C12orf54: variants seen among roughly 807,000 people sequenced by gnomAD.
C12orf54 encodes uncharacterized protein C12orf54.
Under a neutral mutation model 26.4 loss-of-function variants are expected in C12orf54, and 24 were observed. That is an observed-to-expected ratio of 0.91 (90% CI 0.66 to 1.28). The LOEUF is 1.28. C12orf54 is among the 50% of genes most tolerant of loss of function. The pLI is 0.00. For synonymous variants in C12orf54, 54 were observed against 47.0 expected (o/e 1.15, Z -0.61); for missense variants, 154 against 150.9 (o/e 1.02, Z -0.11).
At chr12:48,485,011 A>G (rs777887710) in intron 2 of C12orf54, among the ~76,000 whole-genome samples, 3 of 152,204 alleles carry the variant, frequency 2.0e-5, no homozygotes, top group Non-Finnish European at 4.4e-5. Flanking sequence ...AATGCTATTA[A>G]TGTTCATCAG....
At chr12:48,421,310 CAG>C in the C12orf54 span, among the ~76,000 whole-genome samples, 7 of 149,628 alleles carry the variant, frequency 4.7e-5, no homozygotes, top group Non-Finnish European at 8.9e-5. Flanking sequence ...AGCAGTAGAA[CAG>C]AGAGCGCAGG....
At chr12:48,494,087 C>T (rs74493979) in intron 7 of C12orf54, among the ~76,000 whole-genome samples, 2 of 48,628 alleles carry the variant, frequency 4.1e-5, no homozygotes, top group African/African-American at 8.8e-5. Flanking sequence ...GGCGTGGTGG[C>T]AGGTGCCTGT....
chr12:48,444,780 A>G, the C12orf54 span, among the ~76,000 whole-genome samples: 457 of 152,320 alleles, frequency 3.0e-3, 2 homozygotes, highest in Middle Eastern at 0.031. Flanking sequence ...ATCTTTCCCA[A>G]AAAGGCCTGC....
the C12orf54 span, among the ~76,000 whole-genome samples, chr12:48,428,966 C>T: frequency 2.0e-5 from 3 of 152,144 alleles, no homozygotes; most frequent in Non-Finnish European, 4.4e-5. Flanking sequence ...AGATAATCCA[C>T]TATGATCAAG....
rs760143337 is a variant in C12orf54 at position 48,486,681 on chromosome 12, T to G, written c.97-7T>G. The G allele has an allele frequency of 1.4e-5, 23 of 1,611,602 alleles. 1 individual carries two copies. In the South Asian group the frequency reaches 2.5e-4, roughly 18 times the overall value. Reference sequence around the variant, plus strand: ...TTGTTTCCAACATTTGTTCCTTATTTCTACAGGAAAAACAGGTAACCATCA... The same window carrying G: ...TTGTTTCCAACATTTGTTCCTTATTGCTACAGGAAAAACAGGTAACCATCA... On this transcript the variant is annotated splice_region_variant and splice_polypyrimidine_tract_variant and intron_variant, in intron 3 of 8. Transcript: ENST00000548364.
the C12orf54 span, among the ~76,000 whole-genome samples, chr12:48,434,409 G>T: frequency 6.6e-6 from 1 of 152,206 alleles, no homozygotes; most frequent in Non-Finnish European, 1.5e-5. Context: ...GCTTTGAAGA[G>T]AGTAGTGGTT....
chr12:48,490,353 A>G (rs1937760872), intron 5 of C12orf54, among the ~76,000 whole-genome samples: 1 of 152,166 alleles, frequency 6.6e-6, no homozygotes, highest in African/African-American at 2.4e-5. Flanking sequence ...GCTTTTGGAA[A>G]TCTTGGGATT....
the C12orf54 span, among the ~76,000 whole-genome samples, chr12:48,445,522 C>T: frequency 3.3e-5 from 5 of 152,088 alleles, no homozygotes; most frequent in African/African-American, 1.2e-4. Flanking sequence ...TCACAAAGTG[C>T]CCAGAGTCTA....
At chr12:48,489,002 GC>G in intron 5 of C12orf54, 46 bp downstream of exon 5, 2 of 1,573,086 alleles carry the variant, frequency 1.3e-6, no homozygotes, top group Non-Finnish European at 1.7e-6. Context: ...CCCATCATGT[GC>G]CTTGATCCCA....
At chr12:48,421,593 G>T in the C12orf54 span, among the ~76,000 whole-genome samples, 1 of 130,962 alleles carries the variant, frequency 7.6e-6, no homozygotes, top group South Asian at 2.7e-4. Context: ...GCAGTGGCAC[G>T]ATCTCAGCTC....
At chr12:48,442,126 G>C in the C12orf54 span, 3 of 155,710 alleles carry the variant, frequency 1.9e-5, no homozygotes, top group South Asian at 4.1e-4. Context: ...TGATCACGCT[G>C]TACTGCAAGG....
chr12:48,417,873 T>C, the C12orf54 span, among the ~76,000 whole-genome samples: 1 of 152,230 alleles, frequency 6.6e-6, no homozygotes, highest in African/African-American at 2.4e-5. Flanking sequence ...CTTAGAATAA[T>C]GGCCTCCAGT....
At chr12:48,413,444 G>T in the C12orf54 span, among the ~76,000 whole-genome samples, 2 of 152,170 alleles carry the variant, frequency 1.3e-5, no homozygotes, top group African/African-American at 4.8e-5. Flanking sequence ...AGAAGAGGGC[G>T]GTCCTGAGGC....
At chr12:48,462,041 G>T in the C12orf54 span, among the ~76,000 whole-genome samples, 1 of 151,534 alleles carries the variant, frequency 6.6e-6, no homozygotes, top group Non-Finnish European at 1.5e-5. Context: ...GACATTTCCA[G>T]TGTCAAGATG....
intron 4 of C12orf54, among the ~76,000 whole-genome samples, chr12:48,487,409 C>G (rs1937675272): frequency 6.6e-6 from 1 of 152,164 alleles, no homozygotes; most frequent in Admixed American, 6.5e-5. Context: ...TGTGCCAGCC[C>G]CCACTGTACA....
intron 5 of C12orf54, chr12:48,489,171 AC>A: frequency 1.4e-6 from 1 of 716,930 alleles, no homozygotes. Flanking sequence ...ATGTGATAAT[AC>A]AAACAGAAAA....
chr12:48,454,135 G>T, the C12orf54 span, among the ~76,000 whole-genome samples: 1 of 123,156 alleles, frequency 8.1e-6, no homozygotes, highest in East Asian at 2.3e-4. Flanking sequence ...GTCTCACTCT[G>T]TTGCCAGGCT....
the C12orf54 span, among the ~76,000 whole-genome samples, chr12:48,475,481 A>T: frequency 6.6e-6 from 1 of 152,288 alleles, no homozygotes; most frequent in East Asian, 1.9e-4. Context: ...AATGGCAAAG[A>T]AGTTAAAAGC....
the C12orf54 span, among the ~76,000 whole-genome samples, chr12:48,419,088 A>G: frequency 1.3e-5 from 2 of 152,188 alleles, no homozygotes; most frequent in Admixed American, 6.5e-5. Context: ...GCCACAGGGA[A>G]CTCAAATTAC....
Sources: allele counts gnomAD v4.1 joint callset (sites outside exome capture counted in the v4.1 genomes callset), GRCh38; gene constraint gnomAD v4.1.1; transcripts MANE v1.5; gene names NCBI Gene and HGNC (gene_info 2026-07-23, HGNC 2026-07-21).